SUMF1: variants seen among roughly 807,000 people sequenced by gnomAD.
SUMF1 encodes the protein formylglycine-generating enzyme.
A neutral mutation model predicts 47.6 loss-of-function variants in SUMF1; 48 were observed. That is an observed-to-expected ratio of 1.01 (90% CI 0.80 to 1.28). SUMF1 has a LOEUF of 1.28. Ranked by LOEUF, SUMF1 falls within the 50% of genes most tolerant of loss-of-function variation. SUMF1 has a pLI of 0.00. For missense variants in SUMF1, 571 were observed against 485.4 expected (o/e 1.18, Z -1.66); for synonymous variants, 230 against 192.1 (o/e 1.20, Z -1.63).
At chr3:4,372,031 G>A (rs1700183792) in intron 8 of SUMF1, among the ~76,000 whole-genome samples, 1 of 152,192 alleles carries the variant, frequency 6.6e-6, no homozygotes, top group African/African-American at 2.4e-5. Flanking sequence ...AGGCAGGCCG[G>A]GCATGGTGGC....
At chr3:4,090,441 G>T (rs1036734205) in intron 8 of SUMF1, among the ~76,000 whole-genome samples, 1 of 152,058 alleles carries the variant, frequency 6.6e-6, no homozygotes, top group Non-Finnish European at 1.5e-5. Context: ...CCTCTCCAAG[G>T]TCAGTTCCCA....
chr3:4,451,500 A>G (rs570082350), intron 2 of SUMF1, among the ~76,000 whole-genome samples: 2 of 152,324 alleles, frequency 1.3e-5, no homozygotes, highest in African/African-American at 4.8e-5. Context: ...GTACCAACTT[A>G]TAACTTTTCC....
chr3:4,444,430 T>C (rs1274862608), intron 3 of SUMF1, among the ~76,000 whole-genome samples: 6 of 152,076 alleles, frequency 3.9e-5, no homozygotes, highest in Non-Finnish European at 8.8e-5. Flanking sequence ...ATGGAAAGAG[T>C]ACTCTCTATA....
At chr3:4,180,985 T>C (rs1271699442) in intron 8 of SUMF1, among the ~76,000 whole-genome samples, 1 of 152,138 alleles carries the variant, frequency 6.6e-6, no homozygotes, top group Non-Finnish European at 1.5e-5. Context: ...ATAATAACAA[T>C]ACATTTGGTT....
At chr3:4,271,251 C>T (rs1488576887) in intron 8 of SUMF1, among the ~76,000 whole-genome samples, 1 of 152,024 alleles carries the variant, frequency 6.6e-6, no homozygotes, top group African/African-American at 2.4e-5. Context: ...AGAAAAGGAG[C>T]AAGGTATAAT....
intron 7 of SUMF1, among the ~76,000 whole-genome samples, chr3:4,388,935 T>G (rs970242306): frequency 3.9e-5 from 6 of 152,146 alleles, no homozygotes; most frequent in Non-Finnish European, 7.4e-5. Flanking sequence ...TTCCTTTAAA[T>G]ACATTTAGAA....
At chr3:4,452,111 C>A (rs1352770536) in intron 2 of SUMF1, among the ~76,000 whole-genome samples, 2 of 149,178 alleles carry the variant, frequency 1.3e-5, no homozygotes, top group East Asian at 3.9e-4. Flanking sequence ...TAATAATTTA[C>A]AAAAAGACAT....
At chr3:4,136,615 A>G (rs1464831883) in intron 8 of SUMF1, among the ~76,000 whole-genome samples, 1 of 151,962 alleles carries the variant, frequency 6.6e-6, no homozygotes, top group Non-Finnish European at 1.5e-5. Context: ...GCCAAAATTG[A>G]CAAATGGGAT....
At chr3:4,105,310 C>T (rs59330871) in intron 8 of SUMF1, among the ~76,000 whole-genome samples, 2,497 of 152,134 alleles carry the variant, frequency 0.016, 97 homozygotes, top group African/African-American at 0.057. Context: ...TGAGATCTCT[C>T]GCATAGGCTG....
At chr3:4,134,196 A>G (rs1693863872) in intron 8 of SUMF1, among the ~76,000 whole-genome samples, 1 of 152,164 alleles carries the variant, frequency 6.6e-6, no homozygotes, top group East Asian at 1.9e-4. Context: ...CAAATATTCC[A>G]AAATTGACCA....
At chr3:4,242,892 T>G (rs1185450808) in intron 8 of SUMF1, among the ~76,000 whole-genome samples, 1 of 152,198 alleles carries the variant, frequency 6.6e-6, no homozygotes, top group Non-Finnish European at 1.5e-5. Flanking sequence ...CGGGTGTGAA[T>G]CCATCTGGTC....
intron 8 of SUMF1, among the ~76,000 whole-genome samples, chr3:4,265,804 T>C (rs928642975): frequency 1.1e-4 from 16 of 152,302 alleles, no homozygotes; most frequent in African/African-American, 2.9e-4. Flanking sequence ...AGTCCTTGCC[T>C]GTGCCTATGT....
intron 8 of SUMF1, among the ~76,000 whole-genome samples, chr3:4,233,641 C>A (rs1394762085): frequency 6.6e-6 from 1 of 152,104 alleles, no homozygotes. Flanking sequence ...AAATACCACA[C>A]TGCAGTTTCA....
At chr3:4,116,861 T>C (rs894030115) in intron 8 of SUMF1, among the ~76,000 whole-genome samples, 2 of 152,152 alleles carry the variant, frequency 1.3e-5, no homozygotes, top group Non-Finnish European at 2.9e-5. Context: ...AGTCCAAATC[T>C]GTCACCACTT....
intron 9 of SUMF1, among the ~76,000 whole-genome samples, chr3:4,044,949 T>TA (rs149477168): frequency 0.042 from 6,317 of 152,106 alleles, 458 homozygotes; most frequent in African/African-American, 0.14. Flanking sequence ...TTTAACATGA[T>TA]AAAAAAAAGT....
At chr3:4,212,768 C>A (rs931023206) in intron 8 of SUMF1, among the ~76,000 whole-genome samples, 1 of 152,070 alleles carries the variant, frequency 6.6e-6, no homozygotes, top group Non-Finnish European at 1.5e-5. Context: ...GAAGCATACA[C>A]AAGTATCAAT....
intron 3 of SUMF1, among the ~76,000 whole-genome samples, chr3:4,430,488 T>C (rs1702198855): frequency 2.0e-5 from 3 of 152,130 alleles, no homozygotes; most frequent in South Asian, 2.1e-4. Context: ...ATTTCTCATA[T>C]AGGCTCGCTA....
intron 8 of SUMF1, among the ~76,000 whole-genome samples, chr3:4,326,523 T>TTTTTTTTTTTTG (rs1698949554): frequency 1.6e-5 from 1 of 62,692 alleles, no homozygotes; most frequent in Non-Finnish European, 3.0e-5. Context: ...TTTCCAAGGG[T>TTTTTTTTTTTTG]TTTTTTTTTT....
intron 8 of SUMF1, among the ~76,000 whole-genome samples, chr3:4,271,471 A>C: frequency 6.4e-5 from 1 of 15,608 alleles, no homozygotes; most frequent in Non-Finnish European, 1.6e-4. Context: ...CTATCTATAG[A>C]TAGATAGATA....
Sources: allele counts gnomAD v4.1 joint callset (sites outside exome capture counted in the v4.1 genomes callset), GRCh38; gene constraint gnomAD v4.1.1; transcripts MANE v1.5; gene names NCBI Gene and HGNC (gene_info 2026-07-23, HGNC 2026-07-21).